The following CNTNAP5 variants were observed in gnomAD, a reference collection of about 807,000 sequenced individuals.
CNTNAP5 encodes the protein contactin-associated protein-like 5.
In CNTNAP5, 72 loss-of-function variants were observed where a neutral mutation model predicts 150.2. The ratio of observed to expected loss-of-function variants is 0.48; its 90% CI spans 0.40 to 0.58. The LOEUF (loss-of-function observed/expected upper bound fraction) is 0.58. Among genes scored for constraint, CNTNAP5 ranks in the 20% least tolerant of loss-of-function variants. CNTNAP5 has a pLI of 0.00. For synonymous variants in CNTNAP5, 672 were observed against 619.8 expected (o/e 1.08, Z -1.25); for missense variants, 1,636 against 1,626.2 (o/e 1.01, Z -0.10).
intron 13 of CNTNAP5, among the ~76,000 whole-genome samples, chr2:124,695,394 CT>C (rs1679385098): frequency 1.3e-5 from 2 of 152,096 alleles, no homozygotes. Context: ...TGTAATTTAT[CT>C]TTTAATAACA....
intron 4 of CNTNAP5, among the ~76,000 whole-genome samples, chr2:124,433,476 G>A (rs947927829): frequency 6.6e-6 from 1 of 152,072 alleles, no homozygotes; most frequent in African/African-American, 2.4e-5. Context: ...TTATCATTGT[G>A]TATGCTCAGG....
chr2:124,588,186 TTCTTTCTTTC>T (rs1243892043), intron 11 of CNTNAP5, among the ~76,000 whole-genome samples: 4 of 92,522 alleles, frequency 4.3e-5, no homozygotes, highest in South Asian at 3.4e-4. Context: ...CCTTCTTTCT[TTCTTTCTTTC>T]TTTCTTTCTT....
chr2:124,131,839 A>C (rs971328818), intron 1 of CNTNAP5, among the ~76,000 whole-genome samples: 3 of 152,180 alleles, frequency 2.0e-5, no homozygotes, highest in Admixed American at 2.0e-4. Context: ...TTCTCTTATG[A>C]ACAGCTCTTT....
intron 12 of CNTNAP5, among the ~76,000 whole-genome samples, chr2:124,636,920 C>T (rs1246564096): frequency 1.3e-5 from 2 of 152,076 alleles, no homozygotes; most frequent in Non-Finnish European, 2.9e-5. Flanking sequence ...CTCCTCTCCT[C>T]ATTTTCTCAG....
rs568817190 is a variant in CNTNAP5 at position 124,496,852 on chromosome 2, T to C, written c.1063-7440T>C. Among the ~76,000 whole-genome samples, 8 of 152,312 alleles carry C rather than the reference T, an allele frequency of 5.3e-5. No homozygotes were observed. The East Asian group carries it at 1.5e-3, about 29-fold the overall frequency. On this transcript the variant is annotated intron_variant, in intron 7 of 23. Coordinates refer to ENST00000682447, the MANE Select transcript of CNTNAP5 (RefSeq NM_001367498.1). ...TTCACCAACCCATGCATCCCCTTTC[T>C]CTGGCTTCTGCCTTAGTCACCTGAT...
At chr2:124,153,658 G>A (rs1303619160) in intron 1 of CNTNAP5, among the ~76,000 whole-genome samples, 1 of 143,246 alleles carries the variant, frequency 7.0e-6, no homozygotes, top group African/African-American at 2.6e-5. Flanking sequence ...CACCCAGGCT[G>A]GAGTACAGTG....
intron 14 of CNTNAP5, among the ~76,000 whole-genome samples, chr2:124,754,357 G>T (rs1021208000): frequency 6.6e-6 from 1 of 152,082 alleles, no homozygotes; most frequent in African/African-American, 2.4e-5. Context: ...TTTTGAAAGT[G>T]CTTGTTCTCT....
At chr2:124,104,750 T>A (rs1430025040) in intron 1 of CNTNAP5, among the ~76,000 whole-genome samples, 1 of 152,124 alleles carries the variant, frequency 6.6e-6, no homozygotes, top group Non-Finnish European at 1.5e-5. Flanking sequence ...GCTTTAGAAC[T>A]TACACACAAT....
intron 21 of CNTNAP5, among the ~76,000 whole-genome samples, chr2:124,889,534 G>A (rs1054475920): frequency 6.6e-6 from 1 of 151,996 alleles, no homozygotes; most frequent in African/African-American, 2.4e-5. Context: ...CTTAAATATA[G>A]CATTTTCCTT....
chr2:124,695,228 A>G, intron 13 of CNTNAP5, among the ~76,000 whole-genome samples: 1 of 152,214 alleles, frequency 6.6e-6, no homozygotes. Flanking sequence ...CTGAAGGTGG[A>G]CCTGAGCAGA....
At chr2:124,490,056 T>A (rs547879072) in intron 7 of CNTNAP5, among the ~76,000 whole-genome samples, 2 of 152,064 alleles carry the variant, frequency 1.3e-5, no homozygotes, top group Non-Finnish European at 2.9e-5. Flanking sequence ...GTGGCTTAAT[T>A]ATTATTAATT....
chr2:124,282,547 A>G (rs1034270111), intron 3 of CNTNAP5, among the ~76,000 whole-genome samples: 2 of 152,126 alleles, frequency 1.3e-5, no homozygotes, highest in Non-Finnish European at 2.9e-5. Context: ...CAACAGCTGA[A>G]AGTTTCTATT....
At chr2:124,119,052 C>T (rs555159729) in intron 1 of CNTNAP5, among the ~76,000 whole-genome samples, 8 of 152,226 alleles carry the variant, frequency 5.3e-5, no homozygotes, top group Non-Finnish European at 8.8e-5. Flanking sequence ...TCTTTAGGGC[C>T]GTTGCACTTA....
intron 13 of CNTNAP5, among the ~76,000 whole-genome samples, chr2:124,679,554 G>T (rs1349952891): frequency 6.6e-6 from 1 of 151,698 alleles, no homozygotes; most frequent in Non-Finnish European, 1.5e-5. Flanking sequence ...CCAAAATGCT[G>T]GCTAATTGTC....
chr2:124,281,508 A>G (rs943467909), intron 3 of CNTNAP5, among the ~76,000 whole-genome samples: 2 of 152,178 alleles, frequency 1.3e-5, no homozygotes, highest in Admixed American at 6.6e-5. Flanking sequence ...TTTACCATGG[A>G]AAGTTTCAGG....
chr2:124,147,818 C>T (rs1003649059), intron 1 of CNTNAP5, among the ~76,000 whole-genome samples: 2 of 152,160 alleles, frequency 1.3e-5, no homozygotes, highest in African/African-American at 4.8e-5. Context: ...TTCCTCTTCT[C>T]CAAGATAATG....
At chr2:124,383,319 C>T (rs961733557) in intron 3 of CNTNAP5, among the ~76,000 whole-genome samples, 1 of 152,136 alleles carries the variant, frequency 6.6e-6, no homozygotes, top group African/African-American at 2.4e-5. Context: ...GACGGGAAAA[C>T]CGAGGTCTTG....
chr2:124,300,716 C>T (rs1204345517), intron 3 of CNTNAP5, among the ~76,000 whole-genome samples: 1 of 152,156 alleles, frequency 6.6e-6, no homozygotes, highest in Non-Finnish European at 1.5e-5. Flanking sequence ...TTTTCATTCC[C>T]TTGCCTTCCT....
intron 11 of CNTNAP5, among the ~76,000 whole-genome samples, chr2:124,588,730 T>C (rs1426246574): frequency 6.6e-6 from 1 of 152,166 alleles, no homozygotes; most frequent in Non-Finnish European, 1.5e-5. Context: ...CATTCTCTAC[T>C]TATATTTAGC....
Sources: gnomAD v4.1 joint callset for allele counts (sites outside exome capture counted in the v4.1 genomes callset) on GRCh38, gnomAD v4.1.1 for gene constraint, MANE v1.5 for transcripts, NCBI Gene and HGNC (gene_info 2026-07-23, HGNC 2026-07-21) for gene names.